The following METTL21A variants were observed in gnomAD, a reference collection of about 807,000 sequenced individuals.
METTL21A encodes protein N-lysine methyltransferase METTL21A.
In METTL21A, 22 loss-of-function variants were observed where a neutral mutation model predicts 20.9. The ratio of observed to expected loss-of-function variants is 1.05; its 90% confidence interval spans 0.75 to 1.50. The LOEUF is 1.50. Ranked by LOEUF, METTL21A falls within the 40% of genes most tolerant of loss-of-function variation. The pLI, the probability that METTL21A is intolerant of heterozygous loss-of-function variation, is 0.00. For synonymous variants in METTL21A, 93 were observed against 102.0 expected (o/e 0.91, Z 0.53); for missense variants, 271 against 266.8 (o/e 1.02, Z -0.11).
chr2:207,599,672 T>C (rs1157997820), intron 3 of METTL21A: 1 of 199,264 alleles, frequency 5.0e-6, no homozygotes, highest in East Asian at 7.8e-5. Context: ...AAAGATAAAA[T>C]CAAGCATCTT....
downstream of METTL21A, chr2:207,611,998 C>T (rs1377689563): frequency 4.0e-4 from 1 of 2,518 alleles, no homozygotes; most frequent in Non-Finnish European, 5.6e-4. Context: ...TCCCCCTCTG[C>T]GAGAAACACC....
rs143420928 is a variant in METTL21A, at chr2:207,596,410, G to T, written c.260-14250C>A. ...ATGTAATTTTTAAGTGGTCATTTAG[G>T]TCTTGTTTGTTTATGGAGTTGTTTT... On this transcript the variant is annotated intron_variant, in intron 3 of 3. Coordinates refer to the METTL21A transcript ENST00000425132. 5.9e-3 allele frequency among the ~76,000 whole-genome samples: 894 copies of T among 152,234 alleles called. 4 individuals are homozygous for T. Among genetic ancestry groups the T allele is most frequent in the African/African-American group, 0.021 (852 of 41,554 alleles).
downstream of METTL21A, among the ~76,000 whole-genome samples, chr2:207,607,164 C>T (rs1266956699): frequency 1.3e-5 from 2 of 151,874 alleles, no homozygotes; most frequent in African/African-American, 4.8e-5. Context: ...CGAGGCAGGT[C>T]GATCACGAGG....
chr2:207,581,717 T>G, exon 4 of METTL21A: 1 of 601,706 alleles, frequency 1.7e-6, no homozygotes, highest in South Asian at 2.1e-5. Context: ...CAGGGTACAT[T>G]TATCAAAAAT....
intron 3 of METTL21A, among the ~76,000 whole-genome samples, chr2:207,619,588 G>A (rs2090226510): frequency 1.3e-5 from 2 of 151,982 alleles, no homozygotes; most frequent in Non-Finnish European, 2.9e-5. Context: ...TGTGTATACG[G>A]ATACACAAAA....
At chr2:207,617,041 G>A (rs2551943) in intron 3 of METTL21A, among the ~76,000 whole-genome samples, 128,106 of 151,830 alleles carry the variant, frequency 0.84, 54,229 homozygotes, top group East Asian at 1. Context: ...GGGTAAGGAG[G>A]GTGAGACAGT....
intron 3 of METTL21A, chr2:207,598,469 A>C (rs1188143452): frequency 6.0e-6 from 1 of 166,420 alleles, no homozygotes; most frequent in Non-Finnish European, 1.2e-5. Context: ...AAGCTCGATA[A>C]ATCTAACAGT....
intron 3 of METTL21A, 74 bp downstream of exon 3, chr2:207,621,732 T>A (rs764714099): frequency 7.6e-6 from 10 of 1,319,738 alleles, no homozygotes; most frequent in African/African-American, 1.5e-5. Flanking sequence ...CCACGAAGGG[T>A]TTTGCGCTAA....
chr2:207,595,761 G>A (rs553534320), intron 3 of METTL21A, among the ~76,000 whole-genome samples: 30 of 152,120 alleles, frequency 2.0e-4, no homozygotes, highest in South Asian at 1.9e-3. Context: ...TAGAGACAGG[G>A]TCTTAATATA....
intron 3 of METTL21A, chr2:207,600,116 T>TA (rs1559090882): frequency 5.4e-6 from 1 of 184,126 alleles, no homozygotes; most frequent in African/African-American, 2.3e-5. Flanking sequence ...TGCTATCAGA[T>TA]ACAATTTTAA....
intron 3 of METTL21A, chr2:207,598,571 G>A (rs2086551192): frequency 5.7e-6 from 1 of 176,924 alleles, no homozygotes; most frequent in Non-Finnish European, 1.2e-5. Context: ...TTGGAGCCGG[G>A]CGCAGTGGCT....
At chr2:207,600,820 C>T (rs13029936) in intron 3 of METTL21A, 31,798 of 208,056 alleles carry the variant, frequency 0.15, 2,834 homozygotes, top group Middle Eastern at 0.21. Context: ...ACTATCATTT[C>T]TACCTTTTGG....
At chr2:207,599,359 GAAGT>G (rs1328634842) in intron 3 of METTL21A, 3 of 207,430 alleles carry the variant, frequency 1.4e-5, no homozygotes, top group African/African-American at 2.3e-5. Context: ...CATTTTGAAT[GAAGT>G]AAGTGTTATA....
chr2:207,621,713 G>T, intron 3 of METTL21A, 93 bp downstream of exon 3: 2 of 1,100,726 alleles, frequency 1.8e-6, no homozygotes, highest in Non-Finnish European at 2.8e-6. Context: ...AACCCAGTAA[G>T]GGGAAAACCC....
intron 3 of METTL21A, among the ~76,000 whole-genome samples, chr2:207,584,082 C>G (rs1221483154): frequency 6.6e-6 from 1 of 152,074 alleles, no homozygotes; most frequent in African/African-American, 2.4e-5. Context: ...GAATTTCATC[C>G]CAGTTATTTC....
At chr2:207,601,708 T>G (rs1227725877) in intron 3 of METTL21A, 1 of 213,518 alleles carries the variant, frequency 4.7e-6, no homozygotes, top group Non-Finnish European at 9.5e-6. Flanking sequence ...ATATGTTCAT[T>G]TTTAATGGCT....
chr2:207,597,481 A>G (rs1014218989), intron 3 of METTL21A: 7 of 224,500 alleles, frequency 3.1e-5, no homozygotes. Flanking sequence ...CCGCATGCAT[A>G]AAGTAAGTAA....
At chr2:207,582,223 G>T in intron 3 of METTL21A, 2 of 701,558 alleles carry the variant, frequency 2.9e-6, no homozygotes, top group Non-Finnish European at 5.2e-6. Context: ...GTAATTAGGT[G>T]TATTTTAGAA....
At chr2:207,598,322 G>A (rs1402760088) in intron 3 of METTL21A, 1 of 183,960 alleles carries the variant, frequency 5.4e-6, no homozygotes, top group Non-Finnish European at 1.2e-5. Flanking sequence ...GTAGTTATTA[G>A]TTCTGCTTTA....
Sources: allele counts gnomAD v4.1 joint callset (sites outside exome capture counted in the v4.1 genomes callset), GRCh38; gene constraint gnomAD v4.1.1; transcripts MANE v1.5; gene names NCBI Gene and HGNC (gene_info 2026-07-23, HGNC 2026-07-21).